MRPS7: variants seen among roughly 807,000 people sequenced by gnomAD.
MRPS7 encodes the protein small ribosomal subunit protein uS7m.
MRPS7 carries 13 observed loss-of-function variants against 26.2 expected under a neutral mutation model. The ratio of observed to expected loss-of-function variants is 0.50; its 90% CI spans 0.32 to 0.79. The LOEUF (loss-of-function observed/expected upper bound fraction) is 0.79. Among genes scored for constraint, MRPS7 ranks in the 30% least tolerant of loss-of-function variants. MRPS7 has a pLI of 0.03. For synonymous variants in MRPS7, 129 were observed against 113.3 expected (o/e 1.14, Z -0.88); for missense variants, 318 against 312.2 (o/e 1.02, Z -0.14).
chr17:75,264,673 CT>C (rs34581252), intron 4 of MRPS7, among the ~76,000 whole-genome samples: 51,699 of 135,080 alleles, frequency 0.38, 11,133 homozygotes, highest in Non-Finnish European at 0.52. Flanking sequence ...TTGTTTTTAA[CT>C]TTTTTTTTTT....
intron 3 of MRPS7, chr17:75,263,082 G>T: frequency 1.6e-6 from 1 of 630,448 alleles, no homozygotes; most frequent in Non-Finnish European, 2.7e-6. Context: ...TAAAAAAAAA[G>T]GAACAAATAA....
chr17:75,264,681 T>C (rs574014630), intron 4 of MRPS7, among the ~76,000 whole-genome samples: 9 of 151,644 alleles, frequency 5.9e-5, no homozygotes, highest in Non-Finnish European at 1.2e-4. Flanking sequence ...AACTTTTTTT[T>C]TTTTTTTTGA....
intron 3 of MRPS7, 84 bp downstream of exon 3, chr17:75,262,951 A>C: frequency 7.6e-7 from 1 of 1,314,954 alleles, no homozygotes; most frequent in Non-Finnish European, 1.1e-6. Flanking sequence ...GTAGCTTAAG[A>C]GCAAATGGAT....
At chr17:75,263,699 G>A (rs1162765776) in intron 4 of MRPS7, 192 bp downstream of exon 4, 15 of 712,262 alleles carry the variant, frequency 2.1e-5, no homozygotes, top group Non-Finnish European at 3.0e-5. Flanking sequence ...GGCAACATAG[G>A]GAGATCCCGT....
In MRPS7 at chr17:75,262,537, A is replaced by C. The variant is rs745357593; in HGVS notation, c.124A>C (p.Lys42Gln). The change falls in exon 2 of 5, where the codon AAG (lysine) becomes CAG (glutamine). Residue 42 changes from lysine (K) to glutamine (Q), a missense_variant. Coordinates refer to ENST00000245539, the MANE Select transcript of MRPS7 (RefSeq NM_015971.4). Reference protein sequence around the residue: ...VRWSRYSPEFKDPLIDKEYYR... With the variant: ...VRWSRYSPEFQDPLIDKEYYR... Reference sequence around the variant, plus strand: ...ATGGAGCCGCTATAGTCCTGAATTCAAGGATCCCTTGATTGACAAGGAATA... The same window carrying C: ...ATGGAGCCGCTATAGTCCTGAATTCCAGGATCCCTTGATTGACAAGGAATA... 1.2e-6 allele frequency: 2 copies of C among 1,613,984 alleles called. No homozygotes were observed. Among genetic ancestry groups the C allele is most frequent in the East Asian group, 2.2e-5 (1 of 44,904 alleles).
Position 75,262,695 on chromosome 17 carries a change from T to C in MRPS7, c.275+7T>C. 1 of 1,614,108 alleles carries C rather than the reference T, an allele frequency of 6.2e-7. No individual in the cohort carries two copies. Reference sequence around the variant, plus strand: ...TTGAAGACCCAGTCATCAGGTTAGATGGAAACAAACACTTGTTACATGGAC... The same window carrying C: ...TTGAAGACCCAGTCATCAGGTTAGACGGAAACAAACACTTGTTACATGGAC... On this transcript the variant is annotated splice_region_variant and intron_variant, in intron 2 of 4. Transcript: ENST00000245539.
chr17:75,263,110 A>G, intron 3 of MRPS7: 1 of 625,422 alleles, frequency 1.6e-6, no homozygotes, highest in South Asian at 2.1e-5. Context: ...AACAACTGCC[A>G]TTCCCCACCT....
In MRPS7 at chr17:75,265,707, T is replaced by C. The variant is rs1367517412; in HGVS notation, c.513T>C (p.Pro171=). Residue 171 remains proline (P), a synonymous_variant, in exon 5 of 5, where the codon CCT becomes CCC. Transcript: ENST00000245539. The part of the protein sequence containing the change: ...ILKGGRFYQV[P]VPLPDRRRRF... Reference sequence around the variant, plus strand: ...CTATGTCCTGTCTCACCCAGGTCCCTGTACCCCTACCCGACCGGCGTCGCC... The same window carrying C: ...CTATGTCCTGTCTCACCCAGGTCCCCGTACCCCTACCCGACCGGCGTCGCC... 1.9e-6 allele frequency: 3 copies of C among 1,613,866 alleles called. No individual in the cohort carries two copies. The South Asian group carries it at 3.3e-5, about 18-fold the overall frequency.
chr17:75,262,650 AG>A lies in MRPS7; in HGVS notation c.240del (p.Thr82GlnfsTer16), dbSNP rs1232592607. ...CTCAGCTCATCAAAGCTGCTCCAGCAGGGAAAACAAGTTCTGTGTTTGAAGA... is the reference window on the plus strand; with the variant it reads ...CTCAGCTCATCAAAGCTGCTCCAGCAGGAAAACAAGTTCTGTGTTTGAAGA... ...KTQLIKAAPA[G>X]KTSSVFEDPV... On this transcript the variant is annotated frameshift_variant, in exon 2 of 5. Coordinates refer to ENST00000245539, the MANE Select transcript of MRPS7 (RefSeq NM_015971.4). LOFTEE classifies it high-confidence loss of function. 1.2e-6 allele frequency: 2 copies of A among 1,614,068 alleles called. No individual in the cohort carries two copies. The highest frequency in any genetic ancestry group is 1.7e-6 in the Non-Finnish European group (2 of 1,180,048).
Position 75,262,815 on chromosome 17 carries a change from A to G in MRPS7, c.287A>G (p.Asn96Ser). Residue 96 changes from asparagine to serine, a missense_variant, in exon 3 of 5, where the codon AAC becomes AGC. By Grantham distance (46) the Asn-to-Ser change is conservative. Transcript: ENST00000245539. Reference protein sequence around the residue: ...FEDPVISKFTNMMMIGGNKVL... With the variant: ...FEDPVISKFTSMMMIGGNKVL... The stretch of plus-strand genomic sequence containing the variant: ...TTTTCTCTTTGAAGTAAATTCACCA[A>G]CATGATGATGATAGGAGGAAACAAA... 1.2e-6 allele frequency: 2 copies of G among 1,614,146 alleles called. No homozygotes were observed. Among genetic ancestry groups the G allele is most frequent in the Non-Finnish European group, 8.5e-7 (1 of 1,180,018 alleles).
chr17:75,263,228 C>A, intron 3 of MRPS7, 112 bp from the exon 4 acceptor site: 1 of 1,318,582 alleles, frequency 7.6e-7, no homozygotes, highest in Non-Finnish European at 1.1e-6. Flanking sequence ...GTGAGAGGAG[C>A]TGCATTGCCA....
In MRPS7 at chr17:75,262,688, G is replaced by A. The variant is rs762815699; in HGVS notation, c.275G>A (p.Ser92Asn). The A allele has an allele frequency of 5.6e-6, 9 of 1,614,020 alleles. No individual in the cohort carries two copies. Among genetic ancestry groups the A allele is most frequent in the Non-Finnish European group, 7.6e-6 (9 of 1,180,008 alleles). The change falls in exon 2 of 5, where the codon AGT becomes AAT. Residue 92 changes from serine (S) to asparagine (N), a missense_variant and splice_region_variant. Transcript: ENST00000245539. ...TSSVFEDPVI[S>N]KFTNMMMIGG... ...TCTGTGTTTGAAGACCCAGTCATCA[G>A]GTTAGATGGAAACAAACACTTGTTA...
At chr17:75,263,052 TTCGGAAGTAAACACACAATTA>T in intron 3 of MRPS7, 185 bp downstream of exon 3, 1 of 660,304 alleles carries the variant, frequency 1.5e-6, no homozygotes, top group South Asian at 2.1e-5. Context: ...TCCTTGGTGT[TTCGGAAGTAAACACACAATTA>T]AAAAAAAAGG....
chr17:75,264,336 T>TA (rs2077454011), intron 4 of MRPS7: 2 of 152,220 alleles, frequency 1.3e-5, no homozygotes, highest in African/African-American at 4.8e-5. Context: ...CTGTGTGTCC[T>TA]AACCTGTAAA....
intron 3 of MRPS7, 171 bp downstream of exon 3, chr17:75,263,038 C>T: frequency 1.5e-6 from 1 of 673,808 alleles, no homozygotes; most frequent in Non-Finnish European, 2.5e-6. Flanking sequence ...TCAGCAACTG[C>T]CATTCCTTGG....
At chr17:75,262,311 C>A in intron 1 of MRPS7, 186 bp from the exon 2 acceptor site, 1 of 728,974 alleles carries the variant, frequency 1.4e-6, no homozygotes, top group Non-Finnish European at 2.3e-6. Context: ...GGAGACTTTA[C>A]CCGCCTGCTT....
chr17:75,266,244 G>T lies in MRPS7; in HGVS notation c.*321G>T. The stretch of plus-strand genomic sequence containing the variant: ...AGGAAGCAGTTTTAGTATCAGAAAA[G>T]ATTTATTAGAAAATTCTCACGCTGA... On this transcript the variant is annotated 3_prime_UTR_variant, in exon 5 of 5. Coordinates refer to ENST00000245539, the MANE Select transcript of MRPS7 (RefSeq NM_015971.4). 2.5e-6 allele frequency: 1 copy of T among 405,610 alleles called. No individual in the cohort carries two copies. Among genetic ancestry groups the T allele is most frequent in the Non-Finnish European group, 4.5e-6 (1 of 220,812 alleles). 25.1% of individuals were successfully genotyped at this position (405,610 alleles called of 1,614,324 possible).
intron 3 of MRPS7, chr17:75,263,136 C>T: frequency 1.5e-6 from 1 of 656,628 alleles, no homozygotes; most frequent in South Asian, 2.0e-5. Flanking sequence ...CCCACCCCCT[C>T]CATGCCACAA....
Position 75,262,649 on chromosome 17 carries a change from C to T in MRPS7, c.236C>T (p.Ala79Val). The stretch of plus-strand genomic sequence containing the variant: ...ACTCAGCTCATCAAAGCTGCTCCAG[C>T]AGGGAAAACAAGTTCTGTGTTTGAA... ...KKTQLIKAAPAGKTSSVFEDP... is the reference protein window; with the variant it reads ...KKTQLIKAAPVGKTSSVFEDP... Residue 79 changes from alanine (A) to valine (V), a missense_variant, in exon 2 of 5, where the codon GCA becomes GTA. Transcript: ENST00000245539. 1 of 1,614,138 alleles carries T rather than the reference C, an allele frequency of 6.2e-7. No individual in the cohort carries two copies.
Sources: gnomAD v4.1 joint callset for allele counts (sites outside exome capture counted in the v4.1 genomes callset) on GRCh38, gnomAD v4.1.1 for gene constraint, MANE v1.5 for transcripts, NCBI Gene and HGNC (gene_info 2026-07-23, HGNC 2026-07-21) for gene names.